Variants in GRID1 observed in about 807,000 individuals in gnomAD.
GRID1 encodes glutamate ionotropic receptor delta type subunit 1.
In GRID1, 28 loss-of-function variants were observed where a neutral mutation model predicts 98.0. That is an observed-to-expected ratio of 0.29 (90% CI 0.21 to 0.39). GRID1 has a LOEUF of 0.39. Among genes scored for constraint, GRID1 ranks in the 10% least tolerant of loss-of-function variants. GRID1 has a pLI of 1.00. For synonymous variants in GRID1, 553 were observed against 538.5 expected (o/e 1.03, Z -0.37); for missense variants, 1,111 against 1,340.5 (o/e 0.83, Z 2.67).
intron 8 of GRID1, among the ~76,000 whole-genome samples, chr10:85,750,856 C>T (rs976650177): frequency 9.2e-5 from 14 of 152,070 alleles, no homozygotes; most frequent in African/African-American, 2.9e-4. Context: ...ACCCAAAATC[C>T]AATTATATGA....
Position 86,286,103 on chromosome 10 carries a change from T to C in GRID1, c.235+77838A>G, listed in dbSNP as rs372762938. On this transcript the variant is annotated intron_variant, in intron 2 of 15. Coordinates refer to ENST00000327946, the MANE Select transcript of GRID1 (RefSeq NM_017551.3). ...TAGATGTAGGCTGTAGGTGTAGGTATAAGTAGAGGTTAGAGGTAGCCTGTA... is the reference window on the plus strand; with the variant it reads ...TAGATGTAGGCTGTAGGTGTAGGTACAAGTAGAGGTTAGAGGTAGCCTGTA... Among the ~76,000 whole-genome samples the C allele has an allele frequency of 1.4e-4, 22 of 152,226 alleles. No homozygotes were observed. The East Asian group carries it at 1.7e-3, about 12-fold the overall frequency.
rs367752753 is a variant in GRID1 at position 85,786,832 on chromosome 10, C to T, written c.1234-57218G>A. 4.9e-4 allele frequency among the ~76,000 whole-genome samples: 74 copies of T among 152,308 alleles called. 1 individual carries two copies. In the East Asian group the frequency reaches 9.7e-3, roughly 20 times the overall value. ...TGCGAGTGTTGGGTGTCACTATGGC[C>T]TCCCAGGGCCCAGGCTGCAAAGGGC... On this transcript the variant is annotated intron_variant, in intron 8 of 15. Transcript: ENST00000327946.
At chr10:85,991,995 G>A (rs917458087) in intron 4 of GRID1, among the ~76,000 whole-genome samples, 4 of 152,134 alleles carry the variant, frequency 2.6e-5, no homozygotes, top group African/African-American at 9.7e-5. Flanking sequence ...AAATCCTAGA[G>A]GGGAAATTGG....
chr10:86,289,252 G>A (rs1008404465), intron 2 of GRID1, among the ~76,000 whole-genome samples: 3 of 152,142 alleles, frequency 2.0e-5, no homozygotes, highest in Admixed American at 6.5e-5. Context: ...GAAAAACAGA[G>A]GGCCCCAAGA....
At chr10:85,607,006 A>T (rs1842675305) in intron 15 of GRID1, 1 of 152,186 alleles carries the variant, frequency 6.6e-6, no homozygotes, top group Non-Finnish European at 1.5e-5. Context: ...ACATCCCTGA[A>T]TATGATATAA....
intron 4 of GRID1, among the ~76,000 whole-genome samples, chr10:85,939,303 C>T (rs1841967508): frequency 6.6e-6 from 1 of 152,208 alleles, no homozygotes; most frequent in African/African-American, 2.4e-5. Flanking sequence ...CAGGATACAA[C>T]CTGTATTAGC....
chr10:85,638,827 A>G (rs1843080462), intron 13 of GRID1, among the ~76,000 whole-genome samples: 1 of 152,220 alleles, frequency 6.6e-6, no homozygotes, highest in Admixed American at 6.5e-5. Flanking sequence ...AGCACATGAA[A>G]AAATGCTCAG....
intron 4 of GRID1, among the ~76,000 whole-genome samples, chr10:86,012,940 C>T (rs143047278): frequency 2.6e-5 from 4 of 152,272 alleles, no homozygotes; most frequent in African/African-American, 9.6e-5. Context: ...TCAGGATAAC[C>T]CTTTGCACTG....
chr10:85,753,202 T>C lies in GRID1; in HGVS notation c.1234-23588A>G, dbSNP rs576116829. Among the ~76,000 whole-genome samples the C allele has an allele frequency of 2.6e-5, 4 of 152,376 alleles. No individual in the cohort carries two copies. The South Asian group carries it at 6.2e-4, about 24-fold the overall frequency. On this transcript the variant is annotated intron_variant, in intron 8 of 15. Transcript: ENST00000327946. ...GGACTTGTATTCTGTGTATCTTTAA[T>C]GTTTTAGAAATTCATTTTATTATAC...
In GRID1 at chr10:86,366,530, C is replaced by T; in HGVS notation, c.-138G>A. On this transcript the variant is annotated 5_prime_UTR_variant, in exon 1 of 16. Coordinates refer to ENST00000327946, the MANE Select transcript of GRID1 (RefSeq NM_017551.3). The surrounding 1 kb of genome is among the most constrained non-coding windows in gnomAD (Gnocchi z 4.1). ...GCCCGCCCGTGCGTCTTCCCCCGCG[C>T]GCCCGCCCCTGCGCCCTGCGCCCGC... The T allele has an allele frequency of 2.5e-6, 1 of 394,016 alleles. No individual in the cohort carries two copies. The highest frequency in any genetic ancestry group is 4.1e-6 in the Non-Finnish European group (1 of 244,816). 24.4% of individuals were successfully genotyped at this position (394,016 alleles called of 1,614,324 possible). A position where few individuals can be genotyped will look rare whatever the true frequency, so the allele number is the denominator to read the frequency against.
chr10:85,855,209 A>T (rs2131780921), intron 7 of GRID1, among the ~76,000 whole-genome samples: 1 of 152,350 alleles, frequency 6.6e-6, no homozygotes, highest in East Asian at 1.9e-4. Flanking sequence ...AGGAGAAAAT[A>T]TGTACAAAGC....
rs370296776 is a variant in GRID1, at chr10:85,790,661, C to T, written c.1234-61047G>A. ...CCAGGAGCCTCCTGGCAGGGAGCAG[C>T]CAGGCCCTTGGTCCCCTCGCCTTCT... On this transcript the variant is annotated intron_variant, in intron 8 of 15. Transcript: ENST00000327946. Among the ~76,000 whole-genome samples, 8 of 152,120 alleles carry T rather than the reference C, an allele frequency of 5.3e-5. No individual in the cohort carries two copies. In the South Asian group the frequency reaches 1.2e-3, roughly 24 times the overall value.
At chr10:86,069,940 G>A (rs1843779685) in intron 4 of GRID1, among the ~76,000 whole-genome samples, 1 of 152,152 alleles carries the variant, frequency 6.6e-6, no homozygotes, top group African/African-American at 2.4e-5. Flanking sequence ...TTGGCCATGG[G>A]AAGACAGGGA....
chr10:85,762,813 A>G (rs1016403966), intron 8 of GRID1, among the ~76,000 whole-genome samples: 1 of 152,214 alleles, frequency 6.6e-6, no homozygotes, highest in Non-Finnish European at 1.5e-5. Context: ...GCCTGTTGTG[A>G]GCCAGGTGAC....
Position 85,724,671 on chromosome 10 carries a change from T to C in GRID1, c.1539A>G (p.Ala513=). The part of the protein sequence containing the change: ...GMIGELISKR[A]DLAISAITIT... ...TGGTGATGGCAGAGATGGCCAAGTC[T>C]GCTCTCTGAAAGGCAAAGCCATCTC... Residue 513 remains alanine (A), a synonymous_variant, in exon 11 of 16, where the codon GCA becomes GCG. Transcript: ENST00000327946. 6.2e-7 allele frequency: 1 copy of C among 1,607,414 alleles called. No homozygotes were observed.
chr10:85,984,039 C>T (rs565513062), intron 4 of GRID1, among the ~76,000 whole-genome samples: 2 of 152,160 alleles, frequency 1.3e-5, no homozygotes, highest in South Asian at 4.2e-4. Flanking sequence ...CCCACCCTGG[C>T]GACTGGACTT....
At chr10:85,784,093 A>G (rs562320472) in intron 8 of GRID1, among the ~76,000 whole-genome samples, 3 of 152,372 alleles carry the variant, frequency 2.0e-5, no homozygotes, top group Admixed American at 2.0e-4. Flanking sequence ...ACAGATTAAA[A>G]AGGAGCTGGG....
intron 5 of GRID1, among the ~76,000 whole-genome samples, chr10:85,874,641 T>G (rs115446046): frequency 1.3e-5 from 2 of 152,184 alleles, no homozygotes; most frequent in African/African-American, 4.8e-5. Context: ...TCAGGAATGT[T>G]TGTTAGAACC....
intron 4 of GRID1, among the ~76,000 whole-genome samples, chr10:86,113,472 G>A (rs1329321765): frequency 1.3e-5 from 2 of 152,236 alleles, no homozygotes; most frequent in Admixed American, 1.3e-4. Context: ...GATGTTAGCT[G>A]AAAAGTCAGA....
Sources: allele counts gnomAD v4.1 joint callset (sites outside exome capture counted in the v4.1 genomes callset), GRCh38; gene constraint gnomAD v4.1.1; non-coding constraint Gnocchi (gnomAD v3.1); transcripts MANE v1.5; gene names NCBI Gene and HGNC (gene_info 2026-07-23, HGNC 2026-07-21).